The following AKT3 variants were observed in gnomAD, a reference collection of about 807,000 sequenced individuals.
AKT3 encodes AKT serine/threonine kinase 3, also known as RAC-gamma serine/threonine-protein kinase.
In AKT3, 15 loss-of-function variants were observed where a neutral mutation model predicts 65.3. The ratio of observed to expected loss-of-function variants is 0.23; its 90% CI spans 0.15 to 0.35. The LOEUF is 0.35. Ranked by LOEUF, AKT3 falls within the 10% of genes least tolerant of loss-of-function variation. The pLI is 1.00. For missense variants in AKT3, 243 were observed against 576.5 expected (o/e 0.42, Z 5.92); for synonymous variants, 206 against 183.8 (o/e 1.12, Z -0.98).
At chr1:243,516,856 G>A (rs1282878504) in intron 12 of AKT3, among the ~76,000 whole-genome samples, 2 of 152,182 alleles carry the variant, frequency 1.3e-5, no homozygotes, top group Non-Finnish European at 2.9e-5. Context: ...CAAAAGTACT[G>A]AGATTATAGT....
intron 2 of AKT3, 115 bp downstream of exon 2, chr1:243,843,010 A>T: frequency 9.4e-7 from 1 of 1,058,216 alleles, no homozygotes; most frequent in Non-Finnish European, 1.4e-6. Flanking sequence ...TTTCTCTCTT[A>T]CTAGACATAG....
intron 4 of AKT3, among the ~76,000 whole-genome samples, chr1:243,661,013 CCT>C (rs1682274631): frequency 6.6e-6 from 1 of 152,100 alleles, no homozygotes; most frequent in African/African-American, 2.4e-5. Context: ...ATGTGAAGGA[CCT>C]CTTCAAGGAG....
intron 2 of AKT3, among the ~76,000 whole-genome samples, chr1:243,806,231 T>A (rs1482398343): frequency 2.0e-5 from 3 of 152,214 alleles, no homozygotes; most frequent in Non-Finnish European, 4.4e-5. Flanking sequence ...ACTTTTTAAA[T>A]GATTTTAGGT....
At chr1:243,594,909 G>A (rs1676490660) in intron 8 of AKT3, among the ~76,000 whole-genome samples, 1 of 152,052 alleles carries the variant, frequency 6.6e-6, no homozygotes, top group Admixed American at 6.6e-5. Context: ...GAAAGATAGT[G>A]AAAGAACAAG....
intron 8 of AKT3, among the ~76,000 whole-genome samples, chr1:243,602,561 GC>G (rs2148578178): frequency 6.6e-6 from 1 of 152,236 alleles, no homozygotes; most frequent in Non-Finnish European, 1.5e-5. Context: ...GACTACTGGT[GC>G]TTTTGTCTTA....
chr1:243,730,049 G>A lies in AKT3; in HGVS notation c.47-34333C>T, dbSNP rs991667335. ...CCAACCTTCAGGGCACACACAGCATGAAGCCTGAAAACCTGGCTGCTCCTT... is the reference window on the plus strand; with the variant it reads ...CCAACCTTCAGGGCACACACAGCATAAAGCCTGAAAACCTGGCTGCTCCTT... On this transcript the variant is annotated intron_variant, in intron 2 of 13. Coordinates refer to ENST00000673466, the MANE Select transcript of AKT3 (RefSeq NM_005465.7). 5.6e-4 allele frequency among the ~76,000 whole-genome samples: 86 copies of A among 152,312 alleles called. 1 individual carries two copies. Among genetic ancestry groups the A allele is most frequent in the African/African-American group, 1.9e-3 (80 of 41,558 alleles).
At chr1:243,661,363 T>G (rs1053814559) in intron 4 of AKT3, among the ~76,000 whole-genome samples, 1 of 152,068 alleles carries the variant, frequency 6.6e-6, no homozygotes, top group African/African-American at 2.4e-5. Flanking sequence ...AACAGAGATA[T>G]AGATCAATGG....
intron 2 of AKT3, among the ~76,000 whole-genome samples, chr1:243,820,864 G>T (rs1047948664): frequency 2.0e-5 from 3 of 152,084 alleles, no homozygotes; most frequent in Non-Finnish European, 2.9e-5. Context: ...TATACTTCAG[G>T]ATATCATCCA....
chr1:243,684,934 G>C (rs568960008), intron 3 of AKT3, among the ~76,000 whole-genome samples: 12 of 151,972 alleles, frequency 7.9e-5, no homozygotes, highest in South Asian at 4.2e-4. Context: ...TTCATATGTT[G>C]GTTGGCCACA....
At chr1:243,664,747 A>G in intron 4 of AKT3, 25 bp downstream of exon 4, 1 of 1,278,748 alleles carries the variant, frequency 7.8e-7, no homozygotes, top group East Asian at 2.7e-5. Flanking sequence ...CTTTTTCACA[A>G]AATGAAAACA....
rs576328465 is a variant in AKT3, at chr1:243,694,403, C to G, written c.172+1188G>C. ...AAAATAATTTTCTATTGAAAGAAAA[C>G]CATTATTATCTAATGAGCATTTTGG... is the stretch of plus-strand genomic sequence containing the variant. On this transcript the variant is annotated intron_variant, in intron 3 of 13. Transcript: ENST00000673466. Among the ~76,000 whole-genome samples, 7 of 152,062 alleles carry G rather than the reference C, an allele frequency of 4.6e-5. No homozygotes were observed. The South Asian group carries it at 1.5e-3, about 32-fold the overall frequency.
intron 12 of AKT3, among the ~76,000 whole-genome samples, chr1:243,523,792 CTTAT>C (rs1047230104): frequency 2.0e-5 from 3 of 152,322 alleles, no homozygotes; most frequent in African/African-American, 7.2e-5. Context: ...AAATCGCCTG[CTTAT>C]TTATCTGTCT....
intron 2 of AKT3, among the ~76,000 whole-genome samples, chr1:243,780,756 G>A (rs1322512053): frequency 1.3e-5 from 2 of 151,848 alleles, no homozygotes; most frequent in African/African-American, 4.8e-5. Context: ...GCTGAATTAT[G>A]TCAAGATAAA....
intron 12 of AKT3, among the ~76,000 whole-genome samples, chr1:243,534,884 A>T (rs1671787694): frequency 6.6e-6 from 1 of 152,128 alleles, no homozygotes; most frequent in South Asian, 2.1e-4. Context: ...ATTAGAAAAG[A>T]TCGAAAACAA....
At chr1:243,807,920 C>T (rs902413830) in intron 2 of AKT3, among the ~76,000 whole-genome samples, 6 of 152,182 alleles carry the variant, frequency 3.9e-5, no homozygotes, top group South Asian at 2.1e-4. Context: ...CCCAGGCAAA[C>T]AGTGTCTGAA....
At chr1:243,610,658 A>T (rs1266238806) in intron 8 of AKT3, among the ~76,000 whole-genome samples, 1 of 152,252 alleles carries the variant, frequency 6.6e-6, no homozygotes, top group African/African-American at 2.4e-5. Context: ...TGAAAAATAC[A>T]TAAATGAAAA....
intron 2 of AKT3, among the ~76,000 whole-genome samples, chr1:243,730,419 G>A (rs554000055): frequency 6.6e-6 from 1 of 152,212 alleles, no homozygotes; most frequent in Non-Finnish European, 1.5e-5. Context: ...CCAACAGTGG[G>A]CATGAAAAGG....
chr1:243,683,079 T>C (rs1038016929), intron 3 of AKT3, among the ~76,000 whole-genome samples: 1 of 152,152 alleles, frequency 6.6e-6, no homozygotes, highest in African/African-American at 2.4e-5. Context: ...CACAAAACTC[T>C]AGGTTCACTC....
chr1:243,587,441 T>C (rs1675892175), intron 8 of AKT3, among the ~76,000 whole-genome samples: 1 of 152,020 alleles, frequency 6.6e-6, no homozygotes. Flanking sequence ...CGAAACCCCG[T>C]CCCTACCAAA....
Sources: gnomAD v4.1 joint callset for allele counts (sites outside exome capture counted in the v4.1 genomes callset) on GRCh38, gnomAD v4.1.1 for gene constraint, MANE v1.5 for transcripts, NCBI Gene and HGNC (gene_info 2026-07-23, HGNC 2026-07-21) for gene names.